The following GPC3 variants were observed in gnomAD, a reference collection of about 807,000 sequenced individuals.
GPC3 encodes the protein glypican 3, also known as glypican-3.
A neutral mutation model predicts 34.4 loss-of-function variants in GPC3; 3 were observed. The ratio of observed to expected loss-of-function variants is 0.09; its 90% CI spans 0.04 to 0.23. The LOEUF (loss-of-function observed/expected upper bound fraction) is 0.23. GPC3 is among the 10% of genes least tolerant of loss of function. GPC3 has a pLI of 1.00. For missense variants in GPC3, 351 were observed against 445.6 expected, an observed-to-expected ratio of 0.79 and a Z score of 1.91; for synonymous variants, 177 against 174.0, an observed-to-expected ratio of 1.02 and a Z score of -0.13.
chrX:133,720,824 T>C (rs2071357554), intron 3 of GPC3, among the ~76,000 whole-genome samples: 1 of 109,873 alleles, frequency 9.1e-6, no homozygotes, highest in Non-Finnish European at 1.9e-5. Context: ...CACTTATAAG[T>C]GGGAGCTAAG....
chrX:133,734,257 A>C (rs2071488159), intron 3 of GPC3, among the ~76,000 whole-genome samples: 1 of 111,959 alleles, frequency 8.9e-6, no homozygotes, highest in South Asian at 3.7e-4. Flanking sequence ...TCAATGTAAT[A>C]TATCATATCA....
At position 133,648,475 on chromosome X, in the gene GPC3, A is replaced by G. The variant is rs141885529; in HGVS notation, c.1413+13255T>C. 8.2e-3 allele frequency among the ~76,000 whole-genome samples: 909 copies of G among 111,411 alleles called. 11 individuals carry two copies. Among genetic ancestry groups the G allele is most frequent in the African/African-American group, 0.028 (862 of 30,663 alleles). On this transcript the variant is annotated intron_variant, in intron 6 of 7. Transcript: ENST00000370818. ...TTTCCTTCTTTGCCTTGTAAATGCT[A>G]TCACTTAACTGGACTCCTTGCCTCC...
In GPC3 at chrX:133,608,909, T is replaced by C. The variant is rs776826919; in HGVS notation, c.1414-12310A>G. On this transcript the variant is annotated intron_variant, in intron 6 of 7. Transcript: ENST00000370818. The stretch of plus-strand genomic sequence containing the variant: ...AAAAACTCTATTTTGAGCTTCTAGT[T>C]TCCTTGGAGGTCAGAGATTTTCAAG... Among the ~76,000 whole-genome samples the C allele has an allele frequency of 1.2e-4, 13 of 112,102 alleles. No homozygotes were observed. The South Asian group carries it at 4.9e-3, about 42-fold the overall frequency.
At chrX:133,641,302 C>T (rs2070478685) in intron 6 of GPC3, among the ~76,000 whole-genome samples, 1 of 109,478 alleles carries the variant, frequency 9.1e-6, no homozygotes, top group Non-Finnish European at 1.9e-5. Flanking sequence ...ATGGCGAAAC[C>T]CCGTGTCTAC....
chrX:133,938,063 T>C (rs1871997168), intron 2 of GPC3, among the ~76,000 whole-genome samples: 1 of 111,914 alleles, frequency 8.9e-6, no homozygotes, highest in African/African-American at 3.2e-5. Flanking sequence ...ATAGGATGTT[T>C]TCCTGGATCT....
intron 7 of GPC3, among the ~76,000 whole-genome samples, chrX:133,548,984 C>A (rs1311919324): frequency 1.8e-5 from 2 of 111,513 alleles, no homozygotes; most frequent in Non-Finnish European, 3.8e-5. Flanking sequence ...CAGGCTCAGG[C>A]ATGTCTTTAT....
At chrX:133,757,875 T>C (rs1477235153) in intron 2 of GPC3, among the ~76,000 whole-genome samples, 1 of 111,901 alleles carries the variant, frequency 8.9e-6, no homozygotes, top group African/African-American at 3.2e-5. Context: ...TGTGGTAAAA[T>C]TGGTCATATC....
Position 133,784,876 on chromosome X carries a change from T to C in GPC3, c.338-30700A>G, listed in dbSNP as rs762148603. Reference sequence around the variant, plus strand: ...TAACAGTCACTCTCCATTTCCTCTCTTTCCTCCCCGCCGGCCCTAGGCAAC... The same window carrying C: ...TAACAGTCACTCTCCATTTCCTCTCCTTCCTCCCCGCCGGCCCTAGGCAAC... On this transcript the variant is annotated intron_variant, in intron 2 of 7. Coordinates refer to ENST00000370818, the MANE Select transcript of GPC3 (RefSeq NM_004484.4). Among the ~76,000 whole-genome samples, 665 of 112,278 alleles carry C rather than the reference T, an allele frequency of 5.9e-3. 4 individuals carry two copies. Among genetic ancestry groups the C allele is most frequent in the Non-Finnish European group, 0.01 (545 of 53,243 alleles).
At position 133,859,506 on chromosome X, in the gene GPC3, A is replaced by G. The variant is rs766260422; in HGVS notation, c.337+93544T>C. On this transcript the variant is annotated intron_variant, in intron 2 of 7. Coordinates refer to ENST00000370818, the MANE Select transcript of GPC3 (RefSeq NM_004484.4). Reference sequence around the variant, plus strand: ...CTGCTCTTCAGGGACCCCAGGGCCCACTTTAGCTGTGTGTGGGTAGGGAGA... The same window carrying G: ...CTGCTCTTCAGGGACCCCAGGGCCCGCTTTAGCTGTGTGTGGGTAGGGAGA... Among the ~76,000 whole-genome samples the G allele has an allele frequency of 5.4e-5, 6 of 111,867 alleles. No individual in the cohort carries two copies. In the South Asian group the frequency reaches 2.3e-3, roughly 42 times the overall value.
intron 2 of GPC3, among the ~76,000 whole-genome samples, chrX:133,930,230 G>A (rs1037398718): frequency 8.9e-6 from 1 of 111,878 alleles, no homozygotes; most frequent in Non-Finnish European, 1.9e-5. Context: ...AACTGCCCCA[G>A]GCCCAGGGAC....
chrX:133,756,011 G>A (rs1328853317), intron 2 of GPC3, among the ~76,000 whole-genome samples: 2 of 112,055 alleles, frequency 1.8e-5, no homozygotes, highest in Non-Finnish European at 3.8e-5. Context: ...ATAAATGCTG[G>A]GTAGATGGAG....
At chrX:133,951,047 A>AGTGTGTGT (rs373690687) in intron 2 of GPC3, among the ~76,000 whole-genome samples, 2,735 of 76,620 alleles carry the variant, frequency 0.036, 85 homozygotes, top group East Asian at 0.082. Context: ...AATTCAAGAA[A>AGTGTGTGT]GTGTGTGTGT....
chrX:133,573,252 C>G (rs1452549545), intron 7 of GPC3, among the ~76,000 whole-genome samples: 1 of 111,996 alleles, frequency 8.9e-6, no homozygotes, highest in Admixed American at 9.5e-5. Flanking sequence ...GAAGGAAACT[C>G]CCTCAGCCCA....
chrX:133,704,268 A>G, intron 3 of GPC3: 1 of 1,061,287 alleles, frequency 9.4e-7, no homozygotes, highest in Non-Finnish European at 1.2e-6. Flanking sequence ...TTTTCTTCTC[A>G]GTTTCCTTGA....
At chrX:133,682,837 C>T (rs1268280489) in intron 5 of GPC3, among the ~76,000 whole-genome samples, 4 of 109,819 alleles carry the variant, frequency 3.6e-5, no homozygotes, top group Admixed American at 2.9e-4. Context: ...CATGGTGGCA[C>T]GTGCCTATAA....
chrX:133,817,023 G>A (rs2075695170), intron 2 of GPC3, among the ~76,000 whole-genome samples: 1 of 111,768 alleles, frequency 8.9e-6, no homozygotes, highest in Non-Finnish European at 1.9e-5. Context: ...ATTGTACCCC[G>A]AAAGTTGACA....
intron 2 of GPC3, among the ~76,000 whole-genome samples, chrX:133,782,011 A>C (rs2072051264): frequency 8.9e-6 from 1 of 111,900 alleles, no homozygotes. Context: ...TGCCATTTGC[A>C]AAGACCTCTA....
Position 133,640,952 on chromosome X carries a change from C to A in GPC3, c.1413+20778G>T, listed in dbSNP as rs148879125. Among the ~76,000 whole-genome samples the A allele has an allele frequency of 9.8e-3, 1,078 of 110,110 alleles. 15 individuals are homozygous for A. Among genetic ancestry groups the A allele is most frequent in the African/African-American group, 0.034 (1,038 of 30,275 alleles). Reference sequence around the variant, plus strand: ...TTTTTTTCTATCAAGGGCCACTGACCCACAGAGGAAAAAAAATCAGTTGGG... The same window carrying A: ...TTTTTTTCTATCAAGGGCCACTGACACACAGAGGAAAAAAAATCAGTTGGG... On this transcript the variant is annotated intron_variant, in intron 6 of 7. Transcript: ENST00000370818.
chrX:133,876,046 C>T (rs1388432886), intron 2 of GPC3, among the ~76,000 whole-genome samples: 1 of 111,737 alleles, frequency 8.9e-6, no homozygotes, highest in Admixed American at 9.5e-5. Context: ...ATCTTTATTA[C>T]TAAAGCCATT....
Sources: allele counts gnomAD v4.1 joint callset (sites outside exome capture counted in the v4.1 genomes callset), GRCh38; gene constraint gnomAD v4.1.1; transcripts MANE v1.5; gene names NCBI Gene and HGNC (gene_info 2026-07-23, HGNC 2026-07-21).